DENND10: variants seen among roughly 807,000 people sequenced by gnomAD.
The protein encoded by DENND10 is DENN domain-containing protein 10.
Under a neutral mutation model 43.6 loss-of-function variants are expected in DENND10, and 24 were observed. That is an observed-to-expected ratio of 0.55 (90% CI 0.40 to 0.77). The LOEUF (loss-of-function observed/expected upper bound fraction) is 0.77, where lower values mean the gene tolerates loss of function less well. Among genes scored for constraint, DENND10 ranks in the 30% least tolerant of loss-of-function variants. DENND10 has a pLI of 0.00. For missense variants in DENND10, 303 were observed against 429.9 expected, an observed-to-expected ratio of 0.70 and a Z score of 2.61; for synonymous variants, 125 against 157.6, an observed-to-expected ratio of 0.79 and a Z score of 1.55.
intron 7 of DENND10, among the ~76,000 whole-genome samples, chr10:119,131,294 C>T (rs930362179): frequency 6.6e-6 from 1 of 151,950 alleles, no homozygotes; most frequent in South Asian, 2.1e-4. Context: ...CCGTCTCTAC[C>T]AAAAATACAA....
At chr10:119,136,381 C>A in intron 8 of DENND10, 90 bp from the exon 9 acceptor site, 1 of 1,447,842 alleles carries the variant, frequency 6.9e-7, no homozygotes, top group Non-Finnish European at 9.3e-7. Context: ...AGTTTATAAA[C>A]AGTCTGGAAA....
intron 1 of DENND10, 65 bp downstream of exon 1, chr10:119,104,262 C>G (rs1231721055): frequency 1.4e-6 from 2 of 1,407,368 alleles, no homozygotes; most frequent in Non-Finnish European, 9.4e-7. Flanking sequence ...CACCTCGGCC[C>G]GGGGCAGCCC....
intron 2 of DENND10, 55 bp from the exon 3 acceptor site, chr10:119,111,794 A>T: frequency 7.4e-7 from 1 of 1,351,836 alleles, no homozygotes; most frequent in Non-Finnish European, 1.1e-6. Context: ...TAGTAATAAA[A>T]ATTCTGCTAA....
At chr10:119,105,600 A>C in intron 1 of DENND10, 1 of 761,278 alleles carries the variant, frequency 1.3e-6, no homozygotes, top group Non-Finnish European at 1.7e-6. Flanking sequence ...GGCTAAGTTA[A>C]ACTGTCTTTA....
At chr10:119,107,479 C>T (rs1844751833) in intron 1 of DENND10, among the ~76,000 whole-genome samples, 1 of 150,964 alleles carries the variant, frequency 6.6e-6, no homozygotes, top group Non-Finnish European at 1.5e-5. Context: ...TCTTGGCTGA[C>T]TGCAACCTCT....
chr10:119,120,276 A>G, intron 4 of DENND10, 65 bp from the exon 5 acceptor site: 1 of 1,077,312 alleles, frequency 9.3e-7, no homozygotes, highest in South Asian at 1.4e-5. Context: ...AAAAAAAGAA[A>G]AAAAAATCTT....
intron 1 of DENND10, chr10:119,105,414 G>T (rs1223322707): frequency 2.5e-6 from 1 of 397,882 alleles, no homozygotes; most frequent in East Asian, 1.2e-4. Context: ...CGGCCTCCGA[G>T]TAGCTGGGAC....
chr10:119,123,680 G>T, intron 6 of DENND10, 111 bp downstream of exon 6: 1 of 807,208 alleles, frequency 1.2e-6, no homozygotes, highest in Non-Finnish European at 2.0e-6. Context: ...CACGATCTTA[G>T]CTCACCGCAA....
intron 2 of DENND10, among the ~76,000 whole-genome samples, chr10:119,110,051 G>A (rs1406967571): frequency 6.6e-6 from 1 of 151,958 alleles, no homozygotes; most frequent in Admixed American, 6.6e-5. Flanking sequence ...GAGTTCAAGC[G>A]ATCCTCCTGT....
At position 119,104,260 on chromosome 10, in the gene DENND10, C is replaced by T. The variant is rs1589706939; in HGVS notation, c.55+63C>T. ...TGGTTCTGCCTCTGCTCCACCTCGGCCCGGGGCAGCCCGGGCTCCCGCGGC... is the reference window on the plus strand; with the variant it reads ...TGGTTCTGCCTCTGCTCCACCTCGGTCCGGGGCAGCCCGGGCTCCCGCGGC... On this transcript the variant is annotated intron_variant, in intron 1 of 8. Transcript: ENST00000361432. The T allele has an allele frequency of 6.4e-6, 9 of 1,407,764 alleles. No individual in the cohort carries two copies. The East Asian group carries it at 2.7e-4, about 43-fold the overall frequency. 87.2% of individuals were successfully genotyped at this position (1,407,764 alleles called of 1,614,324 possible). A position where few individuals can be genotyped will look rare whatever the true frequency, so the allele number is the denominator to read the frequency against.
In DENND10 at chr10:119,137,132, ATCAT is replaced by A. The variant is rs1846396042; in HGVS notation, c.*489_*492del. On this transcript the variant is annotated 3_prime_UTR_variant, in exon 9 of 9. Coordinates refer to ENST00000361432, the MANE Select transcript of DENND10 (RefSeq NM_207009.4). ...AATTTTCTGCGGAACTGTCTAGAAG[ATCAT>A]TCAAGAGACCCTGCAGTTGCACTTT... The A allele has an allele frequency of 6.1e-6, 1 of 163,724 alleles. No individual in the cohort carries two copies. 10.1% of individuals were successfully genotyped at this position (163,724 alleles called of 1,614,324 possible).
rs1176650532 is a variant in DENND10, at chr10:119,111,831, G to A, written c.253-18G>A. 3 of 1,583,482 alleles carry A rather than the reference G, an allele frequency of 1.9e-6. No homozygotes were observed. The highest frequency in any genetic ancestry group is 1.1e-5 in the South Asian group (1 of 89,388). On this transcript the variant is annotated intron_variant, in intron 2 of 8. Coordinates refer to ENST00000361432, the MANE Select transcript of DENND10 (RefSeq NM_207009.4). ...GTGTATTTAAAAAGTGTATTTTTTT[G>A]TTGTTTCTTTTGAACAGGTGACTCA... is the stretch of plus-strand genomic sequence containing the variant.
intron 6 of DENND10, among the ~76,000 whole-genome samples, chr10:119,123,875 A>ATT (rs75237743): frequency 3.6e-4 from 51 of 142,648 alleles, no homozygotes; most frequent in South Asian, 1.1e-3. Context: ...TTGCCCTTAA[A>ATT]TTTTTTTTTT....
intron 4 of DENND10, among the ~76,000 whole-genome samples, 195 bp downstream of exon 4, chr10:119,117,862 G>A (rs995876646): frequency 6.6e-6 from 1 of 152,136 alleles, no homozygotes; most frequent in African/African-American, 2.4e-5. Flanking sequence ...AGCTACTCGG[G>A]AGGCTGAGGC....
At chr10:119,116,994 A>G (rs1033555604) in intron 3 of DENND10, among the ~76,000 whole-genome samples, 2 of 152,030 alleles carry the variant, frequency 1.3e-5, no homozygotes, top group African/African-American at 4.8e-5. Context: ...TTTCTTTGAA[A>G]TATATTTTTA....
chr10:119,114,848 C>T (rs1845170905), intron 3 of DENND10, among the ~76,000 whole-genome samples: 1 of 151,754 alleles, frequency 6.6e-6, no homozygotes, highest in Non-Finnish European at 1.5e-5. Context: ...CGGCTCACTA[C>T]CACCTCCAAC....
At chr10:119,121,024 A>G (rs1845549556) in intron 5 of DENND10, among the ~76,000 whole-genome samples, 1 of 152,070 alleles carries the variant, frequency 6.6e-6, no homozygotes, top group Non-Finnish European at 1.5e-5. Flanking sequence ...TGTGTTGCCC[A>G]GGGTGGTCTC....
chr10:119,129,109 C>T (rs1001309470), intron 6 of DENND10, among the ~76,000 whole-genome samples: 1 of 152,066 alleles, frequency 6.6e-6, no homozygotes, highest in African/African-American at 2.4e-5. Flanking sequence ...CCTGAGTTGC[C>T]CTGAACCCTT....
chr10:119,107,446 C>G (rs1844749318), intron 1 of DENND10, among the ~76,000 whole-genome samples: 1 of 151,198 alleles, frequency 6.6e-6, no homozygotes, highest in Non-Finnish European at 1.5e-5. Flanking sequence ...CTCTGTTGCC[C>G]AGGCTAGAGT....
Sources: gnomAD v4.1 joint callset for allele counts (sites outside exome capture counted in the v4.1 genomes callset) on GRCh38, gnomAD v4.1.1 for gene constraint, MANE v1.5 for transcripts, NCBI Gene and HGNC (gene_info 2026-07-23, HGNC 2026-07-21) for gene names.